Variants in UBE3D observed in about 807,000 individuals in gnomAD.
UBE3D encodes ubiquitin protein ligase E3D.
A neutral mutation model predicts 49.6 loss-of-function variants in UBE3D; 48 were observed. That is an observed-to-expected ratio of 0.97 (90% confidence interval 0.77 to 1.23). UBE3D has a LOEUF of 1.23. Ranked by LOEUF, UBE3D falls within the 50% of genes most tolerant of loss-of-function variation. The probability of loss-of-function intolerance (pLI) is 0.00; values close to 1 mark genes in which losing one functional copy is unlikely to be tolerated. For synonymous variants in UBE3D, 189 were observed against 174.2 expected, an observed-to-expected ratio of 1.08 and a Z score of -0.67; for missense variants, 452 against 468.4, an observed-to-expected ratio of 0.96 and a Z score of 0.32.
At chr6:83,019,185 C>A in intron 7 of UBE3D, 49 bp from the exon 8 acceptor site, 1 of 1,528,466 alleles carries the variant, frequency 6.5e-7, no homozygotes, top group Non-Finnish European at 8.8e-7. Context: ...GTCACCTTAT[C>A]CATATCTTAT....
At chr6:83,025,025 A>G (rs1781358712) in intron 5 of UBE3D, among the ~76,000 whole-genome samples, 1 of 152,196 alleles carries the variant, frequency 6.6e-6, no homozygotes, top group Non-Finnish European at 1.5e-5. Flanking sequence ...ATCAAGTAAG[A>G]TTTTAGCAGG....
chr6:82,921,943 C>G (rs898147255), intron 9 of UBE3D, among the ~76,000 whole-genome samples: 10 of 152,092 alleles, frequency 6.6e-5, no homozygotes, highest in African/African-American at 1.9e-4. Flanking sequence ...TATTCCTAGG[C>G]TACAAGAGAC....
rs1193453698 is a variant in UBE3D, at chr6:82,892,802, A to G, written c.*220T>C. 3.6e-6 allele frequency: 2 copies of G among 557,476 alleles called. No individual in the cohort carries two copies. The highest frequency in any genetic ancestry group is 6.5e-6 in the Non-Finnish European group (2 of 309,444). The allele number at this position is 557,476 out of a possible 1,614,324, so 34.5% of individuals were successfully genotyped here. Reference sequence around the variant, plus strand: ...TCTACACTTGCCTCAACCTGCTACTATGACTTTCTTCACAGTCCTGGGTTT... The same window carrying G: ...TCTACACTTGCCTCAACCTGCTACTGTGACTTTCTTCACAGTCCTGGGTTT... On this transcript the variant is annotated 3_prime_UTR_variant, in exon 10 of 10. Transcript: ENST00000369747.
intron 4 of UBE3D, among the ~76,000 whole-genome samples, chr6:83,039,687 C>G (rs935978018): frequency 1.3e-5 from 2 of 152,064 alleles, no homozygotes; most frequent in Admixed American, 6.5e-5. Flanking sequence ...CTCCATTGCC[C>G]AGGCTGGAGT....
chr6:82,985,858 T>C (rs1017026176), intron 8 of UBE3D, among the ~76,000 whole-genome samples: 1 of 152,234 alleles, frequency 6.6e-6, no homozygotes, highest in Non-Finnish European at 1.5e-5. Context: ...TCTATTTCTG[T>C]TGTGTTCCAA....
At chr6:82,891,751 C>A (rs1474309680), downstream of UBE3D, among the ~76,000 whole-genome samples, 5 of 152,166 alleles carry the variant, frequency 3.3e-5, no homozygotes, top group African/African-American at 1.2e-4. Flanking sequence ...AGAGGCCAGG[C>A]GTGGTGACTC....
intron 3 of UBE3D, among the ~76,000 whole-genome samples, chr6:83,052,994 AG>A (rs1288681545): frequency 6.6e-6 from 1 of 152,254 alleles, no homozygotes; most frequent in African/African-American, 2.4e-5. Flanking sequence ...TGAAGAAAGT[AG>A]CAAAAGAACT....
At chr6:82,934,979 G>C (rs1264706140) in intron 9 of UBE3D, among the ~76,000 whole-genome samples, 2 of 140,568 alleles carry the variant, frequency 1.4e-5, no homozygotes, top group African/African-American at 2.6e-5. Flanking sequence ...TAAGAGACAA[G>C]GAGAATAGGC....
At chr6:82,957,286 G>A (rs7739461) in intron 9 of UBE3D, 26 bp downstream of exon 9, 247,941 of 1,598,840 alleles carry the variant, frequency 0.16, 19,680 homozygotes, top group African/African-American at 0.17. Flanking sequence ...GAGAAATCAC[G>A]GCCTAGAAAA....
chr6:82,883,584 T>G, the UBE3D span, among the ~76,000 whole-genome samples: 1 of 152,154 alleles, frequency 6.6e-6, no homozygotes, highest in East Asian at 1.9e-4. Flanking sequence ...ATAAACTGAT[T>G]CCCAAGTTTA....
chr6:83,061,060 C>T (rs1784139806), intron 1 of UBE3D, among the ~76,000 whole-genome samples: 1 of 152,132 alleles, frequency 6.6e-6, no homozygotes, highest in African/African-American at 2.4e-5. Flanking sequence ...TTAACATAAC[C>T]AATTTGATGG....
intron 9 of UBE3D, 131 bp from the exon 10 acceptor site, chr6:82,893,173 CTT>C (rs1418097661): frequency 1.3e-5 from 13 of 990,878 alleles, no homozygotes; most frequent in African/African-American, 1.6e-5. Context: ...AAAAATGACT[CTT>C]AGTGGATCTA....
intron 8 of UBE3D, among the ~76,000 whole-genome samples, chr6:82,987,295 T>A (rs548074755): frequency 6.6e-6 from 1 of 152,220 alleles, no homozygotes; most frequent in Non-Finnish European, 1.5e-5. Flanking sequence ...ATTAAAGGAA[T>A]GAGCCTCCAC....
At chr6:83,046,679 G>GGGGGGT (rs66572347) in intron 3 of UBE3D, among the ~76,000 whole-genome samples, 1 of 129,234 alleles carries the variant, frequency 7.7e-6, no homozygotes, top group African/African-American at 3.0e-5. Flanking sequence ...TGGCGGGGGG[G>GGGGGGT]GTGGGCGGTG....
At chr6:83,033,608 C>T (rs1422941019) in intron 5 of UBE3D, among the ~76,000 whole-genome samples, 1 of 152,178 alleles carries the variant, frequency 6.6e-6, no homozygotes, top group East Asian at 1.9e-4. Context: ...TCCCTTCATT[C>T]TCTCTTGCTA....
intron 8 of UBE3D, among the ~76,000 whole-genome samples, chr6:82,984,004 G>A (rs569064912): frequency 2.6e-5 from 4 of 151,936 alleles, no homozygotes; most frequent in South Asian, 2.1e-4. Flanking sequence ...ATATATACTT[G>A]TTCCCAAGTC....
In UBE3D at chr6:83,065,656, C is replaced by G. The variant is rs1228167180; in HGVS notation, c.63G>C (p.Ala21=). The G allele has an allele frequency of 6.2e-7, 1 of 1,613,890 alleles. No individual in the cohort carries two copies. The highest frequency in any genetic ancestry group is 1.7e-5 in the Admixed American group (1 of 60,016). Residue 21 remains alanine (A), a synonymous_variant, in exon 1 of 10, where the codon GCG becomes GCC. Coordinates refer to ENST00000369747, the MANE Select transcript of UBE3D (RefSeq NM_198920.3). ...FLEVRGQLQS[A]LLILGEPKEG... ...CCAGTTCTTACCCCAGGATCAGAAGCGCGCTCTGCAGCTGTCCCCGCACCT... is the reference window on the plus strand; with the variant it reads ...CCAGTTCTTACCCCAGGATCAGAAGGGCGCTCTGCAGCTGTCCCCGCACCT...
intron 8 of UBE3D, among the ~76,000 whole-genome samples, chr6:83,005,312 A>T (rs950766855): frequency 7.3e-5 from 10 of 136,594 alleles, no homozygotes; most frequent in African/African-American, 3.2e-4. Context: ...GGCTATTATT[A>T]AAAAAAAAAA....
At chr6:82,978,817 C>A (rs1777909698) in intron 8 of UBE3D, among the ~76,000 whole-genome samples, 1 of 152,148 alleles carries the variant, frequency 6.6e-6, no homozygotes, top group Non-Finnish European at 1.5e-5. Context: ...ACTCATGTAA[C>A]CACATTTTAT....
Sources: gnomAD v4.1 joint callset for allele counts (sites outside exome capture counted in the v4.1 genomes callset) on GRCh38, gnomAD v4.1.1 for gene constraint, MANE v1.5 for transcripts, NCBI Gene and HGNC (gene_info 2026-07-23, HGNC 2026-07-21) for gene names.